Variants in ZSWIM6 observed in about 807,000 individuals in gnomAD.
The protein encoded by ZSWIM6 is zinc finger SWIM-type containing 6.
Under a neutral mutation model 113.2 loss-of-function variants are expected in ZSWIM6, and 9 were observed. That is an observed-to-expected ratio of 0.08 (90% CI 0.05 to 0.14). The LOEUF (loss-of-function observed/expected upper bound fraction) is 0.14, where lower values mean the gene tolerates loss of function less well. ZSWIM6 is among the 10% of genes least tolerant of loss of function. The pLI is 1.00. For missense variants in ZSWIM6, 1,162 were observed against 1,552.2 expected, an observed-to-expected ratio of 0.75 and a Z score of 4.22; for synonymous variants, 611 against 606.5, an observed-to-expected ratio of 1.01 and a Z score of -0.11.
intron 1 of ZSWIM6, among the ~76,000 whole-genome samples, chr5:61,401,601 A>C (rs1579977284): frequency 6.6e-6 from 1 of 152,186 alleles, no homozygotes; most frequent in East Asian, 1.9e-4. Flanking sequence ...TAAAAAACAT[A>C]CTGTATAAGA....
intron 4 of ZSWIM6, among the ~76,000 whole-genome samples, chr5:61,499,757 A>T (rs1041034401): frequency 1.3e-5 from 2 of 152,114 alleles, no homozygotes; most frequent in Non-Finnish European, 2.9e-5. Context: ...GCTGTTCTGT[A>T]TTGTTGCTTA....
At chr5:61,368,059 C>T (rs761402442) in intron 1 of ZSWIM6, among the ~76,000 whole-genome samples, 8 of 152,044 alleles carry the variant, frequency 5.3e-5, no homozygotes, top group Admixed American at 2.0e-4. Context: ...GCCAAAAGGT[C>T]GAGACTGTAG....
At chr5:61,451,662 G>A (rs916110867) in intron 1 of ZSWIM6, among the ~76,000 whole-genome samples, 2 of 152,154 alleles carry the variant, frequency 1.3e-5, no homozygotes, top group African/African-American at 4.8e-5. Flanking sequence ...AAATGGAGAA[G>A]GCAGATTTCT....
Position 61,472,907 on chromosome 5 carries a change from A to G in ZSWIM6, c.903A>G (p.Gln301=), listed in dbSNP as rs1374362439. The change falls in exon 2 of 14, where the codon CAA becomes CAG. Residue 301 remains glutamine (Q), a synonymous_variant. Coordinates refer to ENST00000252744, the MANE Select transcript of ZSWIM6 (RefSeq NM_020928.2). This position sits in a 1 kb window ranked among gnomAD's most constrained non-coding sequence, Gnocchi z 4.1. Reference sequence around the variant, plus strand: ...TTCCTATTTCAGAGACTCTCTTTCAAATGAATAGAGACCAACTGCAAAAGT... The same window carrying G: ...TTCCTATTTCAGAGACTCTCTTTCAGATGAATAGAGACCAACTGCAAAAGT... ...LHLPISETLF[Q]MNRDQLQKFV... is the part of the protein sequence containing the mutation. The G allele has an allele frequency of 4.5e-6, 7 of 1,551,692 alleles. No homozygotes were observed. Among genetic ancestry groups the G allele is most frequent in the Non-Finnish European group, 6.1e-6 (7 of 1,146,960 alleles).
chr5:61,467,757 T>TG (rs963722421), intron 1 of ZSWIM6, among the ~76,000 whole-genome samples: 9 of 152,224 alleles, frequency 5.9e-5, no homozygotes, highest in Middle Eastern at 6.8e-3. Flanking sequence ...AATAGGAAAA[T>TG]GGGGAAAGAG....
At chr5:61,423,885 A>AT (rs1348452675) in intron 1 of ZSWIM6, among the ~76,000 whole-genome samples, 1 of 152,116 alleles carries the variant, frequency 6.6e-6, no homozygotes, top group Non-Finnish European at 1.5e-5. Flanking sequence ...GGCTGACGAC[A>AT]TTTTATCCCT....
At chr5:61,444,325 AT>A (rs1561239913) in intron 1 of ZSWIM6, among the ~76,000 whole-genome samples, 2 of 151,690 alleles carry the variant, frequency 1.3e-5, no homozygotes, top group Admixed American at 1.3e-4. Flanking sequence ...TATGTGCCAC[AT>A]TTTCTTAATC....
chr5:61,427,920 A>AT (rs919362310), intron 1 of ZSWIM6, among the ~76,000 whole-genome samples: 18 of 150,488 alleles, frequency 1.2e-4, no homozygotes, highest in South Asian at 6.4e-4. Flanking sequence ...ATTTAACATG[A>AT]TTTTTTTTTT....
rs567315516 is a variant in ZSWIM6, at chr5:61,389,777, A to G, written c.676+56829A>G. Among the ~76,000 whole-genome samples, 39 of 152,264 alleles carry G rather than the reference A, an allele frequency of 2.6e-4. No homozygotes were observed. In the East Asian group the frequency reaches 7.5e-3, roughly 29 times the overall value. On this transcript the variant is annotated intron_variant, in intron 1 of 13. Coordinates refer to ENST00000252744, the MANE Select transcript of ZSWIM6 (RefSeq NM_020928.2). ...CTGTGCAACTGTCAGTGTTGTCAGT[A>G]GAGGTTATAGCAGGCCACAGATATA...
At chr5:61,433,729 C>T (rs546992716) in intron 1 of ZSWIM6, among the ~76,000 whole-genome samples, 1 of 152,130 alleles carries the variant, frequency 6.6e-6, no homozygotes, top group African/African-American at 2.4e-5. Context: ...CTGCCTCGGC[C>T]TCCCAAAAGT....
chr5:61,333,941 G>A (rs1016801864), intron 1 of ZSWIM6, among the ~76,000 whole-genome samples: 1 of 152,078 alleles, frequency 6.6e-6, no homozygotes, highest in Non-Finnish European at 1.5e-5. Context: ...CAGAGGGCTC[G>A]GCGGCCGCTC....
chr5:61,528,958 T>C (rs1749358610), intron 7 of ZSWIM6, among the ~76,000 whole-genome samples: 1 of 152,246 alleles, frequency 6.6e-6, no homozygotes, highest in African/African-American at 2.4e-5. Context: ...ATTGGATTCA[T>C]GGAATGGCTC....
intron 2 of ZSWIM6, among the ~76,000 whole-genome samples, chr5:61,487,718 T>C (rs1046847835): frequency 6.6e-6 from 1 of 152,090 alleles, no homozygotes; most frequent in African/African-American, 2.4e-5. Context: ...ACTTTTTGTA[T>C]GTTGATTTTG....
At chr5:61,343,992 A>G (rs896297469) in intron 1 of ZSWIM6, among the ~76,000 whole-genome samples, 2 of 151,322 alleles carry the variant, frequency 1.3e-5, no homozygotes, top group African/African-American at 4.9e-5. Context: ...TTCCTGGGCT[A>G]AAGTGATTCT....
intron 1 of ZSWIM6, among the ~76,000 whole-genome samples, chr5:61,440,301 T>C (rs1746798404): frequency 6.6e-6 from 1 of 150,642 alleles, no homozygotes. Flanking sequence ...GGCCCAGATC[T>C]CTTTTCAGAT....
intron 1 of ZSWIM6, among the ~76,000 whole-genome samples, chr5:61,429,210 G>A (rs1035666603): frequency 2.0e-5 from 3 of 152,232 alleles, no homozygotes; most frequent in Non-Finnish European, 2.9e-5. Flanking sequence ...CCTACAGGGG[G>A]TAGGGTTTGT....
intron 7 of ZSWIM6, among the ~76,000 whole-genome samples, chr5:61,526,688 G>T (rs1749294231): frequency 6.6e-6 from 1 of 151,892 alleles, no homozygotes; most frequent in South Asian, 2.1e-4. Context: ...TATTTAAAAT[G>T]CATGTTAGCT....
chr5:61,332,282 C>T lies in ZSWIM6; in HGVS notation c.10C>T (p.Arg4Cys). MAE[R>C]GQQPPPAKRL... is the part of the protein sequence containing the mutation. Reference sequence around the variant, plus strand: ...TAGAAGCGGCGCGGTCATGGCGGAGCGCGGACAGCAGCCTCCTCCCGCGAA... The same window carrying T: ...TAGAAGCGGCGCGGTCATGGCGGAGTGCGGACAGCAGCCTCCTCCCGCGAA... Residue 4 changes from arginine to cysteine, a missense_variant, in exon 1 of 14, where the codon CGC becomes TGC. Coordinates refer to ENST00000252744, the MANE Select transcript of ZSWIM6 (RefSeq NM_020928.2). The T allele has an allele frequency of 1.7e-6, 2 of 1,163,506 alleles. No homozygotes were observed. The highest frequency in any genetic ancestry group is 2.1e-6 in the Non-Finnish European group (2 of 942,574). The allele number at this position is 1,163,506 out of a possible 1,614,324, so 72.1% of individuals were successfully genotyped here.
intron 1 of ZSWIM6, among the ~76,000 whole-genome samples, chr5:61,442,592 T>C (rs1206068806): frequency 3.9e-5 from 6 of 152,218 alleles, no homozygotes; most frequent in Non-Finnish European, 7.3e-5. Flanking sequence ...TGATTAGTCA[T>C]GTGAAATGCA....
Sources: gnomAD v4.1 joint callset for allele counts (sites outside exome capture counted in the v4.1 genomes callset) on GRCh38, gnomAD v4.1.1 for gene constraint, Gnocchi (gnomAD v3.1) non-coding constraint, MANE v1.5 for transcripts, NCBI Gene and HGNC (gene_info 2026-07-23, HGNC 2026-07-21) for gene names.